Variants in FTO observed in about 807,000 individuals in gnomAD.
FTO encodes alpha-ketoglutarate-dependent dioxygenase FTO.
A neutral mutation model predicts 63.9 loss-of-function variants in FTO; 47 were observed. That is an observed-to-expected ratio of 0.74 (90% CI 0.58 to 0.94). The LOEUF is 0.94. FTO is among the 40% of genes least tolerant of loss of function. The pLI is 0.00. For synonymous variants in FTO, 207 were observed against 224.4 expected (o/e 0.92, Z 0.69); for missense variants, 562 against 618.1 (o/e 0.91, Z 0.96).
chr16:53,982,886 T>A (rs2083579175), intron 8 of FTO, among the ~76,000 whole-genome samples: 1 of 152,188 alleles, frequency 6.6e-6, no homozygotes, highest in South Asian at 2.1e-4. Flanking sequence ...TCAGATAGAT[T>A]TTTTTATGAA....
intron 8 of FTO, among the ~76,000 whole-genome samples, chr16:54,080,399 C>T (rs1298622149): frequency 1.3e-5 from 2 of 152,286 alleles, no homozygotes; most frequent in South Asian, 2.1e-4. Flanking sequence ...TTTGCATTCA[C>T]GATCTCGTTG....
At chr16:53,948,066 G>T (rs2143473438) in intron 8 of FTO, among the ~76,000 whole-genome samples, 1 of 152,320 alleles carries the variant, frequency 6.6e-6, no homozygotes, top group Admixed American at 6.5e-5. Context: ...ACTCGCCATT[G>T]TAAAGTAAGA....
At chr16:53,760,255 TGTGTG>T (rs1598592081) in intron 1 of FTO, among the ~76,000 whole-genome samples, 3 of 18,388 alleles carry the variant, frequency 1.6e-4, no homozygotes, top group South Asian at 1.1e-3. Context: ...TGTGTGTGTG[TGTGTG>T]TTTTTTGGAG....
At chr16:53,956,286 T>C (rs1296039121) in intron 8 of FTO, among the ~76,000 whole-genome samples, 2 of 152,190 alleles carry the variant, frequency 1.3e-5, no homozygotes, top group East Asian at 1.9e-4. Flanking sequence ...TTGCCGTTGA[T>C]ATGCTAAATG....
At chr16:53,797,489 A>G (rs2078106957) in intron 1 of FTO, among the ~76,000 whole-genome samples, 1 of 152,104 alleles carries the variant, frequency 6.6e-6, no homozygotes, top group Admixed American at 6.5e-5. Context: ...ATGCTTCACT[A>G]ATTCATTCCT....
chr16:53,867,660 G>T (rs2080363544), intron 4 of FTO, among the ~76,000 whole-genome samples: 1 of 152,080 alleles, frequency 6.6e-6, no homozygotes, highest in African/African-American at 2.4e-5. Flanking sequence ...TGATACTAGT[G>T]TGTATTCTGC....
chr16:53,876,253 T>A (rs1370673599), intron 5 of FTO, among the ~76,000 whole-genome samples: 1 of 152,204 alleles, frequency 6.6e-6, no homozygotes, highest in Non-Finnish European at 1.5e-5. Context: ...TAAAAATGTA[T>A]GTAATTTCAA....
chr16:53,722,270 G>A (rs975239536), intron 1 of FTO, among the ~76,000 whole-genome samples: 2 of 152,118 alleles, frequency 1.3e-5, no homozygotes, highest in South Asian at 2.1e-4. Context: ...CTTATACATA[G>A]TAGTGTTTTA....
chr16:53,713,399 G>A (rs1215853757), intron 1 of FTO, among the ~76,000 whole-genome samples: 2 of 152,152 alleles, frequency 1.3e-5, no homozygotes, highest in Non-Finnish European at 2.9e-5. Context: ...TTTTGTTAAG[G>A]TGGTACTTTT....
chr16:53,870,569 C>T (rs2080465964), intron 4 of FTO, among the ~76,000 whole-genome samples: 2 of 152,162 alleles, frequency 1.3e-5, no homozygotes, highest in Non-Finnish European at 2.9e-5. Context: ...CATTGAAAGC[C>T]ACTGCTCTTG....
chr16:53,892,317 C>T (rs759156444), intron 7 of FTO, among the ~76,000 whole-genome samples: 9 of 152,050 alleles, frequency 5.9e-5, no homozygotes, highest in African/African-American at 9.7e-5. Context: ...TTCAGGAAAA[C>T]GCATACAAAA....
intron 6 of FTO, among the ~76,000 whole-genome samples, chr16:53,884,202 T>G (rs1041531353): frequency 1.3e-5 from 2 of 152,228 alleles, no homozygotes; most frequent in African/African-American, 4.8e-5. Flanking sequence ...TTTTCCAATT[T>G]AAGATGCTTA....
chr16:53,787,474 G>T (rs932556425), intron 1 of FTO, among the ~76,000 whole-genome samples: 11 of 151,420 alleles, frequency 7.3e-5, no homozygotes, highest in African/African-American at 2.7e-4. Flanking sequence ...CTGATTTTAA[G>T]CATTAAGTAT....
At chr16:53,870,374 A>G (rs2080460749) in intron 4 of FTO, among the ~76,000 whole-genome samples, 1 of 152,174 alleles carries the variant, frequency 6.6e-6, no homozygotes, top group South Asian at 2.1e-4. Flanking sequence ...GCTCCCCTGG[A>G]CTTTTTAACT....
At chr16:53,893,328 A>C (rs1459398372) in intron 7 of FTO, among the ~76,000 whole-genome samples, 1 of 151,952 alleles carries the variant, frequency 6.6e-6, no homozygotes, top group Non-Finnish European at 1.5e-5. Context: ...TCCTACCCCC[A>C]CCGCCCCTGC....
intron 4 of FTO, among the ~76,000 whole-genome samples, chr16:53,873,263 G>A (rs922214025): frequency 1.1e-4 from 16 of 152,200 alleles, no homozygotes; most frequent in African/African-American, 3.6e-4. Context: ...CATATATAGT[G>A]AATTTTATAG....
intron 2 of FTO, among the ~76,000 whole-genome samples, chr16:53,815,383 C>T (rs557788536): frequency 4.6e-5 from 7 of 152,168 alleles, no homozygotes; most frequent in South Asian, 2.1e-4. Flanking sequence ...GTGGTTTTAC[C>T]TCTTTAGAAT....
chr16:53,975,683 T>A (rs1306279919), intron 8 of FTO, among the ~76,000 whole-genome samples: 3 of 151,642 alleles, frequency 2.0e-5, no homozygotes, highest in Non-Finnish European at 4.4e-5. Flanking sequence ...AAAAAAGACA[T>A]GTAATTTATA....
chr16:53,834,456 T>G (rs1598779739), intron 3 of FTO, among the ~76,000 whole-genome samples: 3 of 152,322 alleles, frequency 2.0e-5, no homozygotes. Flanking sequence ...TGGTATTAAT[T>G]AGCTATGGGA....
Sources: gnomAD v4.1 joint callset for allele counts (sites outside exome capture counted in the v4.1 genomes callset) on GRCh38, gnomAD v4.1.1 for gene constraint, MANE v1.5 for transcripts, NCBI Gene and HGNC (gene_info 2026-07-23, HGNC 2026-07-21) for gene names.